Variants in ZNF79 observed in about 807,000 individuals in gnomAD.
The protein encoded by ZNF79 is zinc finger protein 79, also known as ZNFpT7.
In ZNF79, 13 loss-of-function variants were observed where a neutral mutation model predicts 14.9. That is an observed-to-expected ratio of 0.87 (90% CI 0.57 to 1.38). The LOEUF (loss-of-function observed/expected upper bound fraction) is 1.38, where lower values mean the gene tolerates loss of function less well. Among genes scored for constraint, ZNF79 ranks in the 40% most tolerant of loss-of-function variants. ZNF79 has a pLI of 0.00. For missense variants in ZNF79, 631 were observed against 630.6 expected (o/e 1.00, Z -0.01); for synonymous variants, 223 against 235.1 (o/e 0.95, Z 0.47).
intron 2 of ZNF79, among the ~76,000 whole-genome samples, chr9:127,431,813 C>T (rs150149352): frequency 6.6e-6 from 1 of 152,302 alleles, no homozygotes; most frequent in East Asian, 1.9e-4. Context: ...AGCCAGCTAT[C>T]CCAGCATCAT....
rs2298182 is a variant in ZNF79 at position 127,444,390 on chromosome 9, C to T, written c.690C>T (p.Phe230=). Residue 230 remains phenylalanine, a synonymous_variant, in exon 5 of 5, where the codon TTC becomes TTT. Transcript: ENST00000342483. ...PYECSECGKA[F]SQSSSLIQHQ... ...AGTGCAGTGAATGTGGGAAGGCCTT[C>T]AGCCAGAGCTCATCTCTCATTCAGC... 185,584 of 1,613,974 alleles carry T rather than the reference C, an allele frequency of 0.11. 14,405 individuals carry two copies. Among genetic ancestry groups the T allele is most frequent in the Admixed American group, 0.39 (23,332 of 59,980 alleles).
In ZNF79 at chr9:127,435,936, C is replaced by T. The variant is rs1159122331; in HGVS notation, c.261C>T (p.Asn87=). 4 of 1,614,176 alleles carry T rather than the reference C, an allele frequency of 2.5e-6. No individual in the cohort carries two copies. In the East Asian group the frequency reaches 8.9e-5, roughly 36 times the overall value. ...TTCCAGTTTCCCAGCCTGGCATGAA[C>T]TCCCAGTTGGAACAAAGGGAAGGCG... ...LGLPVSQPGM[N]SQLEQREGAW... Residue 87 remains asparagine (N), a synonymous_variant, in exon 4 of 5, where the codon AAC becomes AAT. Transcript: ENST00000342483.
rs576117676 is a variant in ZNF79 at position 127,432,807 on chromosome 9, A to T, written c.106-2283A>T. 1.0e-3 allele frequency among the ~76,000 whole-genome samples: 159 copies of T among 152,178 alleles called. 1 individual carries two copies. Among genetic ancestry groups the T allele is most frequent in the African/African-American group, 3.8e-3 (158 of 41,512 alleles). ...CATCTCTCAAAACCCTAATATTCTA[A>T]ATTTCTCTTTGCATTTCCTGCAGCT... is the stretch of plus-strand genomic sequence containing the variant. On this transcript the variant is annotated intron_variant, in intron 2 of 4. Transcript: ENST00000342483.
intron 1 of ZNF79, among the ~76,000 whole-genome samples, chr9:127,426,495 C>T (rs1833757276): frequency 6.6e-6 from 1 of 152,114 alleles, no homozygotes; most frequent in Non-Finnish European, 1.5e-5. Context: ...CTGCCTCAGC[C>T]TCCCGAGTAG....
intron 2 of ZNF79, among the ~76,000 whole-genome samples, chr9:127,432,544 T>TA: frequency 6.6e-6 from 1 of 151,840 alleles, no homozygotes; most frequent in Middle Eastern, 3.4e-3. Flanking sequence ...TTTTTTTTTT[T>TA]AGGTATTCTA....
chr9:127,434,053 A>G (rs994454366), intron 2 of ZNF79, among the ~76,000 whole-genome samples: 3 of 152,030 alleles, frequency 2.0e-5, no homozygotes, highest in African/African-American at 7.3e-5. Flanking sequence ...TTACATTCTG[A>G]CCTCAACAAC....
At position 127,445,340 on chromosome 9, in the gene ZNF79, C is replaced by T; in HGVS notation, c.*143C>T. The T allele has an allele frequency of 1.3e-6, 1 of 756,824 alleles. No homozygotes were observed. The allele number at this position is 756,824 out of a possible 1,614,324, so 46.9% of individuals were successfully genotyped here. A position where few individuals can be genotyped will look rare whatever the true frequency, so the allele number is the denominator to read the frequency against. On this transcript the variant is annotated 3_prime_UTR_variant, in exon 5 of 5. Transcript: ENST00000342483. ...CAGCCCAGAGCCACATGCAAAACACCTTCAATAAACAGCCACTATTTCACA... is the reference window on the plus strand; with the variant it reads ...CAGCCCAGAGCCACATGCAAAACACTTTCAATAAACAGCCACTATTTCACA...
intron 1 of ZNF79, 22 bp downstream of exon 1, chr9:127,424,825 G>C (rs1194895307): frequency 8.7e-6 from 14 of 1,613,586 alleles, no homozygotes; most frequent in African/African-American, 1.3e-5. Flanking sequence ...TAGAGGGAGC[G>C]ATTGTCAAGA....
In ZNF79 at chr9:127,424,737, C is replaced by A; in HGVS notation, c.-51C>A. 6.2e-7 allele frequency: 1 copy of A among 1,613,050 alleles called. No homozygotes were observed. The highest frequency in any genetic ancestry group is 8.5e-7 in the Non-Finnish European group (1 of 1,179,820). Reference sequence around the variant, plus strand: ...CGGGGTGGGGGCTGCTGTAGATAGACCCTTACGCCCAGAGAACTGCTGGGA... The same window carrying A: ...CGGGGTGGGGGCTGCTGTAGATAGAACCTTACGCCCAGAGAACTGCTGGGA... On this transcript the variant is annotated 5_prime_UTR_variant, in exon 1 of 5. Coordinates refer to ENST00000342483, the MANE Select transcript of ZNF79 (RefSeq NM_007135.3).
chr9:127,444,974 T>C lies in ZNF79; in HGVS notation c.1274T>C (p.Phe425Ser). ...KPYKCNECGK[F>S]FSESSALIRH... The stretch of plus-strand genomic sequence containing the variant: ...TATAAATGTAATGAATGTGGGAAAT[T>C]CTTCAGTGAGAGCTCAGCCCTCATT... Residue 425 changes from phenylalanine (F) to serine (S), a missense_variant, in exon 5 of 5, where the codon TTC becomes TCC. Transcript: ENST00000342483. 1 of 1,613,762 alleles carries C rather than the reference T, an allele frequency of 6.2e-7. No individual in the cohort carries two copies.
chr9:127,430,014 C>T (rs2131945456), intron 2 of ZNF79, among the ~76,000 whole-genome samples: 1 of 152,150 alleles, frequency 6.6e-6, no homozygotes, highest in Non-Finnish European at 1.5e-5. Flanking sequence ...ATGGGGTTCA[C>T]CATGTTGGCC....
chr9:127,444,690 G>A lies in ZNF79; in HGVS notation c.990G>A (p.Glu330=), dbSNP rs377708016. 6.2e-7 allele frequency: 1 copy of A among 1,613,954 alleles called. No individual in the cohort carries two copies. Among genetic ancestry groups the A allele is most frequent in the East Asian group, 2.2e-5 (1 of 44,886 alleles). The change falls in exon 5 of 5, where the codon GAG becomes GAA. Residue 330 remains glutamate (E), a synonymous_variant. Transcript: ENST00000342483. ...ACCATCAGAGGACTCACACCGGGGA[G>A]AAGCCCTACAAGTGCAGCGAGTGTG... ...LTNHQRTHTG[E]KPYKCSECGK... is the part of the protein sequence containing the mutation.
chr9:127,445,081 A>G lies in ZNF79; in HGVS notation c.1381A>G (p.Ser461Gly). Residue 461 changes from serine to glycine, a missense_variant, in exon 5 of 5, where the codon AGT becomes GGT. Coordinates refer to ENST00000342483, the MANE Select transcript of ZNF79 (RefSeq NM_007135.3). ...GKAFNQSSSL[S>G]QHQRIHTGVK... The stretch of plus-strand genomic sequence containing the variant: ...AGCGTTTAACCAGAGCTCATCCCTT[A>G]GTCAGCATCAGAGAATCCACACAGG... 1 of 1,613,412 alleles carries G rather than the reference A, an allele frequency of 6.2e-7. No homozygotes were observed. Among genetic ancestry groups the G allele is most frequent in the Non-Finnish European group, 8.5e-7 (1 of 1,179,710 alleles).
intron 1 of ZNF79, among the ~76,000 whole-genome samples, chr9:127,426,361 A>G (rs1054449628): frequency 3.4e-5 from 5 of 149,180 alleles, no homozygotes; most frequent in African/African-American, 1.2e-4. Context: ...AAGTGGACTC[A>G]TAATATGTGA....
At chr9:127,429,471 C>G (rs1454224102) in intron 2 of ZNF79, among the ~76,000 whole-genome samples, 1 of 147,764 alleles carries the variant, frequency 6.8e-6, no homozygotes, top group Non-Finnish European at 1.5e-5. Context: ...CAGGCTCGTG[C>G]CACCATGCCT....
intron 1 of ZNF79, 139 bp from the exon 2 acceptor site, chr9:127,428,693 A>T (rs763198187): frequency 3.3e-5 from 41 of 1,249,846 alleles, no homozygotes; most frequent in Non-Finnish European, 4.0e-5. Context: ...GTAGGAGGGA[A>T]TGGAGAAATT....
intron 1 of ZNF79, among the ~76,000 whole-genome samples, chr9:127,427,253 TAA>T (rs958176528): frequency 7.3e-4 from 82 of 111,944 alleles, no homozygotes; most frequent in Admixed American, 1.4e-3. Context: ...CCCCGTCTAC[TAA>T]AAAAAAAAAA....
chr9:127,429,508 T>C (rs2131944802), intron 2 of ZNF79, among the ~76,000 whole-genome samples: 1 of 151,056 alleles, frequency 6.6e-6, no homozygotes, highest in African/African-American at 2.4e-5. Context: ...TTTTTTTAAC[T>C]TTTGTAGAGT....
rs941036285 is a variant in ZNF79 at position 127,445,277 on chromosome 9, G to C, written c.*80G>C. On this transcript the variant is annotated 3_prime_UTR_variant, in exon 5 of 5. Transcript: ENST00000342483. ...GGGTGAGGATCTGAGAAATGCTAAA[G>C]GCTTGAAAGCATCTGAAGACATCTA... 1 of 1,477,380 alleles carries C rather than the reference G, an allele frequency of 6.8e-7. No individual in the cohort carries two copies. The highest frequency in any genetic ancestry group is 1.4e-5 in the African/African-American group (1 of 71,730). The allele number at this position is 1,477,380 out of a possible 1,614,324, so 91.5% of individuals were successfully genotyped here. A position where few individuals can be genotyped will look rare whatever the true frequency, so the allele number is the denominator to read the frequency against.
Sources: allele counts gnomAD v4.1 joint callset (sites outside exome capture counted in the v4.1 genomes callset), GRCh38; gene constraint gnomAD v4.1.1; transcripts MANE v1.5; gene names NCBI Gene and HGNC (gene_info 2026-07-23, HGNC 2026-07-21).